LUZP2: variants seen among roughly 807,000 people sequenced by gnomAD.
The protein encoded by LUZP2 is leucine zipper protein 2.
In LUZP2, 52 loss-of-function variants were observed where a neutral mutation model predicts 51.6. That is an observed-to-expected ratio of 1.01 (90% CI 0.81 to 1.27). The LOEUF is 1.27. Among genes scored for constraint, LUZP2 ranks in the 50% most tolerant of loss-of-function variants. LUZP2 has a pLI of 0.00. For synonymous variants in LUZP2, 154 were observed against 137.3 expected (o/e 1.12, Z -0.85); for missense variants, 436 against 395.4 (o/e 1.10, Z -0.87).
At chr11:24,869,151 A>T (rs1851981749) in intron 5 of LUZP2, among the ~76,000 whole-genome samples, 1 of 152,142 alleles carries the variant, frequency 6.6e-6, no homozygotes, top group South Asian at 2.1e-4. Context: ...ACTCTGCTTG[A>T]TACATACCAT....
intron 5 of LUZP2, among the ~76,000 whole-genome samples, chr11:24,803,640 T>G (rs1486354541): frequency 6.6e-6 from 1 of 152,092 alleles, no homozygotes; most frequent in African/African-American, 2.4e-5. Context: ...TGGAATATTA[T>G]TCAGCCTTAA....
chr11:24,914,802 T>A (rs2133802382), intron 7 of LUZP2, among the ~76,000 whole-genome samples: 1 of 152,248 alleles, frequency 6.6e-6, no homozygotes, highest in African/African-American at 2.4e-5. Context: ...TCCCCAGAGT[T>A]CATGAGCTGC....
At chr11:24,699,443 G>C (rs1213094914) in intron 1 of LUZP2, among the ~76,000 whole-genome samples, 1 of 152,028 alleles carries the variant, frequency 6.6e-6, no homozygotes, top group Non-Finnish European at 1.5e-5. Flanking sequence ...AAAATTGACA[G>C]ACATTACAGA....
chr11:24,639,851 C>G (rs1855223283), intron 1 of LUZP2, among the ~76,000 whole-genome samples: 1 of 151,824 alleles, frequency 6.6e-6, no homozygotes, highest in African/African-American at 2.4e-5. Context: ...TTTCTTGAAT[C>G]CTCTCTACCT....
At chr11:24,828,041 A>G (rs1850594273) in intron 5 of LUZP2, among the ~76,000 whole-genome samples, 1 of 152,086 alleles carries the variant, frequency 6.6e-6, no homozygotes, top group Middle Eastern at 3.2e-3. Flanking sequence ...ACACACACAC[A>G]CACACACATA....
intron 1 of LUZP2, among the ~76,000 whole-genome samples, chr11:24,576,261 A>C (rs1055794172): frequency 6.6e-6 from 1 of 151,676 alleles, no homozygotes; most frequent in Non-Finnish European, 1.5e-5. Context: ...AGATACAAAA[A>C]AATTAGCCAG....
intron 7 of LUZP2, among the ~76,000 whole-genome samples, chr11:24,935,834 T>C (rs772564495): frequency 8.5e-5 from 13 of 152,324 alleles, no homozygotes; most frequent in African/African-American, 1.2e-4. Context: ...TACCAAGTTA[T>C]AAAATTTTAT....
intron 5 of LUZP2, among the ~76,000 whole-genome samples, chr11:24,863,691 G>C (rs1022733677): frequency 2.0e-5 from 3 of 152,028 alleles, no homozygotes; most frequent in African/African-American, 7.2e-5. Flanking sequence ...TCTTTAAATG[G>C]TTAAACTTCA....
intron 10 of LUZP2, among the ~76,000 whole-genome samples, chr11:25,076,199 C>CTTGTTT (rs1259984720): frequency 6.1e-4 from 93 of 151,574 alleles, no homozygotes; most frequent in African/African-American, 1.2e-3. Context: ...TGTTTTTGTT[C>CTTGTTT]TTGTTTTCGT....
intron 5 of LUZP2, among the ~76,000 whole-genome samples, chr11:24,903,510 C>A (rs1038647397): frequency 6.6e-6 from 1 of 152,292 alleles, no homozygotes; most frequent in South Asian, 2.1e-4. Flanking sequence ...GTGGGGAACT[C>A]TTAAACTTGA....
intron 7 of LUZP2, among the ~76,000 whole-genome samples, chr11:24,919,978 C>T (rs944122041): frequency 3.3e-5 from 5 of 151,636 alleles, no homozygotes; most frequent in Admixed American, 3.3e-4. Flanking sequence ...CCTACACAAC[C>T]ATGACAAGTT....
intron 7 of LUZP2, among the ~76,000 whole-genome samples, chr11:24,925,513 C>G (rs1854199988): frequency 6.6e-6 from 1 of 152,076 alleles, no homozygotes; most frequent in African/African-American, 2.4e-5. Flanking sequence ...TTATTCCTTG[C>G]ATGCTTAAAG....
intron 7 of LUZP2, among the ~76,000 whole-genome samples, chr11:24,930,364 T>A (rs1335817367): frequency 6.6e-6 from 1 of 152,204 alleles, no homozygotes; most frequent in Non-Finnish European, 1.5e-5. Flanking sequence ...TTTTGATGTA[T>A]TTTGAATATT....
intron 9 of LUZP2, among the ~76,000 whole-genome samples, chr11:25,045,018 A>C (rs1590871340): frequency 8.4e-6 from 1 of 119,190 alleles, no homozygotes; most frequent in Non-Finnish European, 1.6e-5. Flanking sequence ...ATGAGAACAC[A>C]TGGACACAGG....
chr11:24,877,011 G>C (rs889024329), intron 5 of LUZP2, among the ~76,000 whole-genome samples: 1 of 152,280 alleles, frequency 6.6e-6, no homozygotes, highest in African/African-American at 2.4e-5. Flanking sequence ...TTCCTTTTTA[G>C]TGTAACACTC....
intron 7 of LUZP2, among the ~76,000 whole-genome samples, chr11:24,955,731 G>A (rs752875580): frequency 2.6e-5 from 4 of 151,818 alleles, no homozygotes; most frequent in Non-Finnish European, 4.4e-5. Flanking sequence ...CATTATTATC[G>A]GCGTACCTTG....
intron 4 of LUZP2, among the ~76,000 whole-genome samples, chr11:24,758,618 G>A (rs1177414136): frequency 6.6e-6 from 1 of 151,934 alleles, no homozygotes; most frequent in Non-Finnish European, 1.5e-5. Flanking sequence ...TTGAAGTTTG[G>A]ATAAGTAAGG....
At chr11:24,781,648 G>A (rs375412962) in intron 5 of LUZP2, among the ~76,000 whole-genome samples, 1 of 151,636 alleles carries the variant, frequency 6.6e-6, no homozygotes, top group East Asian at 1.9e-4. Context: ...AACACATCAT[G>A]GTAATACTAG....
At chr11:24,595,049 C>T (rs1853394397) in intron 1 of LUZP2, among the ~76,000 whole-genome samples, 2 of 151,924 alleles carry the variant, frequency 1.3e-5, no homozygotes. Flanking sequence ...CGTAAGCCAC[C>T]ATGCCCATTG....
Sources: gnomAD v4.1 joint callset for allele counts (sites outside exome capture counted in the v4.1 genomes callset) on GRCh38, gnomAD v4.1.1 for gene constraint, MANE v1.5 for transcripts, NCBI Gene and HGNC (gene_info 2026-07-23, HGNC 2026-07-21) for gene names.